The following DLGAP1 variants were observed in gnomAD, a reference collection of about 807,000 sequenced individuals.
The protein encoded by DLGAP1 is DLG associated protein 1.
DLGAP1 carries 11 observed loss-of-function variants against 90.8 expected under a neutral mutation model. That is an observed-to-expected ratio of 0.12 (90% CI 0.08 to 0.20). The LOEUF (loss-of-function observed/expected upper bound fraction) is 0.20. Ranked by LOEUF, DLGAP1 falls within the 10% of genes least tolerant of loss-of-function variation. The pLI is 1.00. For missense variants in DLGAP1, 1,050 were observed against 1,333.8 expected (o/e 0.79, Z 3.31); for synonymous variants, 558 against 540.7 (o/e 1.03, Z -0.44).
At chr18:3,599,551 T>C (rs1397455644) in intron 7 of DLGAP1, among the ~76,000 whole-genome samples, 1 of 152,182 alleles carries the variant, frequency 6.6e-6, no homozygotes, top group South Asian at 2.1e-4. Context: ...AGGGTGGCAA[T>C]GGAGTGGTGA....
At chr18:4,429,463 A>T (rs2083232208) in intron 1 of DLGAP1, among the ~76,000 whole-genome samples, 1 of 152,222 alleles carries the variant, frequency 6.6e-6, no homozygotes, top group Non-Finnish European at 1.5e-5. Flanking sequence ...TTCTTATAAC[A>T]TTGTACATGC....
chr18:4,057,408 C>A (rs919195820), intron 2 of DLGAP1, among the ~76,000 whole-genome samples: 2 of 152,210 alleles, frequency 1.3e-5, no homozygotes, highest in Non-Finnish European at 1.5e-5. Flanking sequence ...CTCCAGTAAA[C>A]ACACTGTGTG....
intron 3 of DLGAP1, among the ~76,000 whole-genome samples, chr18:3,886,254 G>A (rs898669834): frequency 2.6e-5 from 4 of 152,060 alleles, no homozygotes; most frequent in African/African-American, 9.7e-5. Flanking sequence ...ATCTTTTCAG[G>A]GTCAAGCTGT....
intron 5 of DLGAP1, among the ~76,000 whole-genome samples, chr18:3,813,667 G>C (rs1266196388): frequency 6.6e-6 from 1 of 152,018 alleles, no homozygotes; most frequent in Non-Finnish European, 1.5e-5. Flanking sequence ...AAAAATTCAA[G>C]AGTCTTAAGA....
intron 7 of DLGAP1, among the ~76,000 whole-genome samples, chr18:3,688,619 ACACACACACAC>A (rs2060786356): frequency 9.2e-4 from 1 of 1,090 alleles, no homozygotes; most frequent in Non-Finnish European, 7.0e-3. Context: ...AAAAAGACAC[ACACACACACAC>A]ACACACACAC....
At chr18:3,669,943 TG>T (rs902697225) in intron 7 of DLGAP1, among the ~76,000 whole-genome samples, 4 of 152,064 alleles carry the variant, frequency 2.6e-5, no homozygotes, top group African/African-American at 7.2e-5. Context: ...GACACTGCCG[TG>T]GGGTGGGAGC....
chr18:4,331,848 A>C (rs1368969555), intron 1 of DLGAP1, among the ~76,000 whole-genome samples: 1 of 151,956 alleles, frequency 6.6e-6, no homozygotes, highest in East Asian at 1.9e-4. Flanking sequence ...AGCATGCGAA[A>C]GTGTTATCAC....
At chr18:3,689,406 C>A (rs1378709338) in intron 7 of DLGAP1, among the ~76,000 whole-genome samples, 1 of 152,178 alleles carries the variant, frequency 6.6e-6, no homozygotes, top group East Asian at 1.9e-4. Context: ...CATCCAGGGT[C>A]AGGTTGCCCT....
intron 3 of DLGAP1, among the ~76,000 whole-genome samples, chr18:3,992,873 A>G (rs2073995940): frequency 6.6e-6 from 1 of 152,216 alleles, no homozygotes; most frequent in Non-Finnish European, 1.5e-5. Context: ...TCTGTAAAAG[A>G]AAAGGAACGC....
At chr18:4,256,046 T>C (rs1165228678) in intron 1 of DLGAP1, among the ~76,000 whole-genome samples, 1 of 152,152 alleles carries the variant, frequency 6.6e-6, no homozygotes, top group Non-Finnish European at 1.5e-5. Flanking sequence ...AATAAGGATG[T>C]AGATGCTAAT....
intron 2 of DLGAP1, among the ~76,000 whole-genome samples, chr18:4,082,881 G>A (rs555363268): frequency 7.2e-5 from 11 of 152,014 alleles, no homozygotes; most frequent in Non-Finnish European, 1.6e-4. Context: ...TGTGTTTGCT[G>A]TAATGCACAT....
chr18:4,324,125 C>T (rs927438737), intron 1 of DLGAP1, among the ~76,000 whole-genome samples: 6 of 151,430 alleles, frequency 4.0e-5, no homozygotes, highest in Non-Finnish European at 1.5e-5. Flanking sequence ...ACTAACTACA[C>T]ATATAAAGAA....
chr18:4,307,647 T>G (rs896768313), intron 1 of DLGAP1, among the ~76,000 whole-genome samples: 1 of 151,402 alleles, frequency 6.6e-6, no homozygotes, highest in African/African-American at 2.4e-5. Context: ...CGGCAGGGCC[T>G]GCAGTCTCTG....
At chr18:4,205,727 A>T (rs2077707641) in intron 1 of DLGAP1, among the ~76,000 whole-genome samples, 1 of 152,266 alleles carries the variant, frequency 6.6e-6, no homozygotes, top group South Asian at 2.1e-4. Context: ...TCAAGTGCTC[A>T]ATAGCCACAT....
chr18:3,541,382 G>A (rs531048722), intron 9 of DLGAP1, among the ~76,000 whole-genome samples: 19 of 152,272 alleles, frequency 1.2e-4, no homozygotes, highest in Middle Eastern at 3.4e-3. Flanking sequence ...TGAATGCCAC[G>A]CCTTTAAAAC....
intron 7 of DLGAP1, among the ~76,000 whole-genome samples, chr18:3,599,225 G>A (rs1264556606): frequency 6.6e-6 from 1 of 152,226 alleles, no homozygotes; most frequent in East Asian, 1.9e-4. Flanking sequence ...CTCGTTGGTT[G>A]AGTGTTTAAT....
At chr18:3,741,031 ACCACCATCACC>A (rs2062916595) in intron 6 of DLGAP1, among the ~76,000 whole-genome samples, 1 of 86,018 alleles carries the variant, frequency 1.2e-5, no homozygotes. Flanking sequence ...CACCACCACC[ACCACCATCACC>A]TCACCACCAC....
rs1599280668 is a variant in DLGAP1, at chr18:3,990,582, A to G, written c.-73+14534T>C. Among the ~76,000 whole-genome samples the G allele has an allele frequency of 2.0e-5, 3 of 151,018 alleles. No individual in the cohort carries two copies. The East Asian group carries it at 5.8e-4, about 29-fold the overall frequency. Reference sequence around the variant, plus strand: ...ACACCAACATGGCACATGTATACATATGTAACAAACCTGCACGTTGTGCAC... The same window carrying G: ...ACACCAACATGGCACATGTATACATGTGTAACAAACCTGCACGTTGTGCAC... On this transcript the variant is annotated intron_variant, in intron 3 of 12. Coordinates refer to ENST00000315677, the MANE Select transcript of DLGAP1 (RefSeq NM_004746.4).
chr18:4,068,132 T>G (rs1027506879), intron 2 of DLGAP1, among the ~76,000 whole-genome samples: 9 of 152,044 alleles, frequency 5.9e-5, no homozygotes, highest in African/African-American at 2.2e-4. Context: ...CCTTTGCATT[T>G]ATTACCATAT....
Sources: gnomAD v4.1 joint callset for allele counts (sites outside exome capture counted in the v4.1 genomes callset) on GRCh38, gnomAD v4.1.1 for gene constraint, MANE v1.5 for transcripts, NCBI Gene and HGNC (gene_info 2026-07-23, HGNC 2026-07-21) for gene names.